THSD7B: variants seen among roughly 807,000 people sequenced by gnomAD.
THSD7B encodes thrombospondin type-1 domain-containing protein 7B.
Under a neutral mutation model 213.6 loss-of-function variants are expected in THSD7B, and 138 were observed. The ratio of observed to expected loss-of-function variants is 0.65; its 90% confidence interval spans 0.56 to 0.74. The LOEUF (loss-of-function observed/expected upper bound fraction) is 0.74, where lower values mean the gene tolerates loss of function less well. Ranked by LOEUF, THSD7B falls within the 30% of genes least tolerant of loss-of-function variation. THSD7B has a pLI of 0.00. For missense variants in THSD7B, 1,931 were observed against 1,991.5 expected (o/e 0.97, Z 0.58); for synonymous variants, 742 against 687.0 (o/e 1.08, Z -1.25).
At chr2:136,795,119 C>T (rs535100590) in intron 1 of THSD7B, among the ~76,000 whole-genome samples, 2 of 151,942 alleles carry the variant, frequency 1.3e-5, no homozygotes, top group East Asian at 3.9e-4. Flanking sequence ...TGTCATAGCT[C>T]GTTGACTTAA....
At chr2:137,315,404 G>C (rs1342269216) in intron 12 of THSD7B, among the ~76,000 whole-genome samples, 2 of 152,210 alleles carry the variant, frequency 1.3e-5, no homozygotes, top group South Asian at 2.1e-4. Flanking sequence ...TGCGCCCACT[G>C]TCTGGCACTC....
At chr2:137,539,161 A>G (rs1164865505) in intron 15 of THSD7B, among the ~76,000 whole-genome samples, 2 of 151,744 alleles carry the variant, frequency 1.3e-5, no homozygotes, top group Non-Finnish European at 3.0e-5. Flanking sequence ...AATAAATAAA[A>G]GCATCAGTAA....
chr2:137,618,881 A>T (rs940681191), intron 19 of THSD7B, among the ~76,000 whole-genome samples: 1 of 152,222 alleles, frequency 6.6e-6, no homozygotes, highest in Non-Finnish European at 1.5e-5. Flanking sequence ...TGTCCCTTGC[A>T]TAGAAGACGA....
At chr2:137,370,236 C>T (rs1685512602) in intron 12 of THSD7B, among the ~76,000 whole-genome samples, 1 of 152,000 alleles carries the variant, frequency 6.6e-6, no homozygotes, top group Non-Finnish European at 1.5e-5. Flanking sequence ...GTTTTATTCA[C>T]TCATTCATTC....
chr2:137,671,266 T>C (rs1243396070), intron 27 of THSD7B, among the ~76,000 whole-genome samples: 1 of 150,582 alleles, frequency 6.6e-6, no homozygotes, highest in Non-Finnish European at 1.5e-5. Flanking sequence ...AAAAAAAGCT[T>C]GTGGTATAAC....
intron 15 of THSD7B, among the ~76,000 whole-genome samples, chr2:137,457,926 G>A (rs998563648): frequency 6.6e-6 from 1 of 152,136 alleles, no homozygotes; most frequent in Non-Finnish European, 1.5e-5. Context: ...TAGCCATTTA[G>A]TCCACCCCTA....
intron 15 of THSD7B, among the ~76,000 whole-genome samples, chr2:137,550,856 G>A (rs1573701733): frequency 6.6e-6 from 1 of 152,062 alleles, no homozygotes; most frequent in Non-Finnish European, 1.5e-5. Flanking sequence ...TAGATCATTA[G>A]AAAATGAAAG....
Position 137,150,102 on chromosome 2 carries a change from T to C in THSD7B, c.1370-10111T>C, listed in dbSNP as rs548803232. 2.0e-4 allele frequency among the ~76,000 whole-genome samples: 30 copies of C among 151,360 alleles called. No individual in the cohort carries two copies. In the South Asian group the frequency reaches 5.8e-3, roughly 29 times the overall value. ...TACTAAAAATACAAAACTAGCCAGGTGTGGTGGTGCATGCCTGTAATCCCA... is the reference window on the plus strand; with the variant it reads ...TACTAAAAATACAAAACTAGCCAGGCGTGGTGGTGCATGCCTGTAATCCCA... On this transcript the variant is annotated intron_variant, in intron 5 of 27. Transcript: ENST00000409968.
intron 5 of THSD7B, among the ~76,000 whole-genome samples, chr2:137,131,133 T>G (rs1412625306): frequency 7.2e-6 from 1 of 139,428 alleles, no homozygotes; most frequent in African/African-American, 2.6e-5. Context: ...TGGCCAGTGA[T>G]GGTGAGCATT....
intron 1 of THSD7B, among the ~76,000 whole-genome samples, chr2:136,804,895 T>A (rs1335420524): frequency 1.3e-5 from 2 of 152,156 alleles, no homozygotes; most frequent in Admixed American, 6.5e-5. Flanking sequence ...CTATATTCAT[T>A]TTTTATTCTA....
At chr2:136,954,021 T>G (rs10179000) in intron 2 of THSD7B, among the ~76,000 whole-genome samples, 12,580 of 152,258 alleles carry the variant, frequency 0.083, 905 homozygotes, top group African/African-American at 0.19. Flanking sequence ...GAACTAGATG[T>G]CTCAGTTATT....
chr2:137,294,411 C>T (rs559514813), intron 12 of THSD7B, among the ~76,000 whole-genome samples: 4 of 151,678 alleles, frequency 2.6e-5, no homozygotes, highest in South Asian at 2.1e-4. Context: ...GGTGAAACCC[C>T]GTCTCTAATA....
At chr2:136,848,623 G>C (rs1466366527) in intron 1 of THSD7B, among the ~76,000 whole-genome samples, 1 of 152,096 alleles carries the variant, frequency 6.6e-6, no homozygotes, top group Non-Finnish European at 1.5e-5. Flanking sequence ...GGGCAATGAA[G>C]ACTTAAAACC....
chr2:137,449,038 C>T (rs1371858279), intron 14 of THSD7B, among the ~76,000 whole-genome samples: 1 of 151,916 alleles, frequency 6.6e-6, no homozygotes, highest in Non-Finnish European at 1.5e-5. Context: ...GGGGAGTTAG[C>T]AGAGGTTTCA....
intron 2 of THSD7B, among the ~76,000 whole-genome samples, chr2:136,992,829 G>A (rs1348711176): frequency 1.3e-5 from 2 of 152,160 alleles, no homozygotes; most frequent in South Asian, 2.1e-4. Context: ...AGCCCATAGA[G>A]TGGACCCAAG....
intron 2 of THSD7B, among the ~76,000 whole-genome samples, chr2:137,056,097 T>C (rs752325627): frequency 1.4e-4 from 22 of 152,218 alleles, no homozygotes; most frequent in African/African-American, 2.4e-5. Context: ...TAAATTTGTA[T>C]TGTCTACTTG....
chr2:136,963,338 G>T (rs114866881), intron 2 of THSD7B, among the ~76,000 whole-genome samples: 270 of 152,246 alleles, frequency 1.8e-3, no homozygotes, highest in African/African-American at 6.2e-3. Context: ...AAAGAATATA[G>T]GCAGCAGAAA....
intron 12 of THSD7B, among the ~76,000 whole-genome samples, chr2:137,281,518 A>G (rs967703401): frequency 9.9e-5 from 15 of 151,942 alleles, no homozygotes; most frequent in Non-Finnish European, 2.1e-4. Context: ...CTAACTCGTC[A>G]TCTAGCATTA....
chr2:137,091,348 G>GT (rs1687944968), intron 3 of THSD7B, among the ~76,000 whole-genome samples: 1 of 152,134 alleles, frequency 6.6e-6, no homozygotes, highest in Non-Finnish European at 1.5e-5. Context: ...CTTTCTTTAT[G>GT]AAGGGAAAAA....
Sources: allele counts gnomAD v4.1 joint callset (sites outside exome capture counted in the v4.1 genomes callset), GRCh38; gene constraint gnomAD v4.1.1; transcripts MANE v1.5; gene names NCBI Gene and HGNC (gene_info 2026-07-23, HGNC 2026-07-21).